DPP10: variants seen among roughly 807,000 people sequenced by gnomAD.
DPP10 encodes the protein dipeptidyl peptidase like 10.
A neutral mutation model predicts 120.9 loss-of-function variants in DPP10; 33 were observed. That is an observed-to-expected ratio of 0.27 (90% CI 0.21 to 0.37). The LOEUF is 0.37. Among genes scored for constraint, DPP10 ranks in the 10% least tolerant of loss-of-function variants. DPP10 has a pLI of 1.00. For synonymous variants in DPP10, 337 were observed against 326.1 expected (o/e 1.03, Z -0.36); for missense variants, 816 against 942.8 (o/e 0.87, Z 1.76).
chr2:114,561,248 A>G (rs1688740699), intron 1 of DPP10, among the ~76,000 whole-genome samples: 1 of 152,202 alleles, frequency 6.6e-6, no homozygotes, highest in Admixed American at 6.5e-5. Context: ...CTCTCTTGCT[A>G]TCCATATGAT....
intron 1 of DPP10, among the ~76,000 whole-genome samples, chr2:114,516,346 T>C (rs780717633): frequency 2.6e-5 from 4 of 152,166 alleles, no homozygotes; most frequent in Non-Finnish European, 5.9e-5. Flanking sequence ...CATTAAGGCT[T>C]TTTTCCATCC....
At chr2:115,635,403 A>G (rs1404422873) in intron 5 of DPP10, among the ~76,000 whole-genome samples, 1 of 152,138 alleles carries the variant, frequency 6.6e-6, no homozygotes, top group Non-Finnish European at 1.5e-5. Context: ...CAGGCAGAGT[A>G]GCACCATCAC....
intron 1 of DPP10, among the ~76,000 whole-genome samples, chr2:114,633,622 T>C (rs1264244499): frequency 6.6e-6 from 1 of 151,504 alleles, no homozygotes; most frequent in Non-Finnish European, 1.5e-5. Context: ...TTTTATTTAT[T>C]ATTATTTTTT....
At chr2:115,268,270 T>G (rs1161836159) in intron 1 of DPP10, among the ~76,000 whole-genome samples, 2 of 151,848 alleles carry the variant, frequency 1.3e-5, no homozygotes, top group African/African-American at 4.9e-5. Context: ...TAGCTGCAGT[T>G]TATAGGGGAA....
chr2:115,465,983 A>G (rs961260470), intron 3 of DPP10, among the ~76,000 whole-genome samples: 1 of 152,182 alleles, frequency 6.6e-6, no homozygotes, highest in Non-Finnish European at 1.5e-5. Context: ...ATAATTACCC[A>G]TTCCATAATG....
chr2:115,774,110 T>C (rs1681799020), intron 13 of DPP10, among the ~76,000 whole-genome samples: 1 of 152,028 alleles, frequency 6.6e-6, no homozygotes, highest in African/African-American at 2.4e-5. Context: ...GTAAATCATA[T>C]ATAATATTTT....
intron 1 of DPP10, among the ~76,000 whole-genome samples, chr2:114,727,547 A>G (rs1340917315): frequency 6.6e-6 from 1 of 152,188 alleles, no homozygotes; most frequent in African/African-American, 2.4e-5. Flanking sequence ...TGTTGCCCAA[A>G]CCACTGGCCT....
intron 3 of DPP10, among the ~76,000 whole-genome samples, chr2:115,349,130 G>A (rs1476919847): frequency 6.6e-6 from 1 of 152,104 alleles, no homozygotes; most frequent in Non-Finnish European, 1.5e-5. Flanking sequence ...TTGCAAAATG[G>A]CATGCTGGGA....
At chr2:115,190,099 C>A (rs2105219296) in intron 1 of DPP10, among the ~76,000 whole-genome samples, 1 of 152,288 alleles carries the variant, frequency 6.6e-6, no homozygotes, top group East Asian at 1.9e-4. Flanking sequence ...TGGCTGGTAG[C>A]CCCTAATTGC....
intron 1 of DPP10, among the ~76,000 whole-genome samples, chr2:114,631,877 T>C (rs990017567): frequency 1.3e-5 from 2 of 152,216 alleles, no homozygotes; most frequent in Non-Finnish European, 2.9e-5. Context: ...TATTCACTTA[T>C]GTATTTAATT....
intron 5 of DPP10, among the ~76,000 whole-genome samples, chr2:115,573,443 C>A (rs1487710392): frequency 6.6e-6 from 1 of 151,494 alleles, no homozygotes; most frequent in South Asian, 2.1e-4. Context: ...CCACCACGCC[C>A]GGCTAATTTT....
At chr2:114,933,818 C>G (rs1432468963) in intron 1 of DPP10, among the ~76,000 whole-genome samples, 1 of 152,104 alleles carries the variant, frequency 6.6e-6, no homozygotes, top group Non-Finnish European at 1.5e-5. Flanking sequence ...TCAGTAGATC[C>G]AGAGAGGGGC....
chr2:115,708,575 A>C (rs569176723), intron 7 of DPP10, among the ~76,000 whole-genome samples: 2 of 152,026 alleles, frequency 1.3e-5, no homozygotes, highest in Non-Finnish European at 2.9e-5. Context: ...AAGCTTGTCC[A>C]CTAACTTTTT....
intron 1 of DPP10, among the ~76,000 whole-genome samples, chr2:114,866,048 G>T (rs1254552885): frequency 2.0e-5 from 3 of 151,938 alleles, no homozygotes; most frequent in South Asian, 4.2e-4. Context: ...GGGGGCGGAG[G>T]TTGCAGTGAG....
At chr2:114,669,453 GA>G (rs1235813601) in intron 1 of DPP10, among the ~76,000 whole-genome samples, 1 of 152,090 alleles carries the variant, frequency 6.6e-6, no homozygotes, top group East Asian at 1.9e-4. Context: ...TGTGGATGGG[GA>G]AGACTCCCTT....
intron 1 of DPP10, among the ~76,000 whole-genome samples, chr2:114,844,240 G>A (rs147902453): frequency 6.6e-6 from 1 of 151,948 alleles, no homozygotes; most frequent in Non-Finnish European, 1.5e-5. Context: ...TATTCTTCAC[G>A]CTTGATGTGT....
At chr2:115,037,545 A>G (rs1704312138) in intron 1 of DPP10, among the ~76,000 whole-genome samples, 1 of 152,224 alleles carries the variant, frequency 6.6e-6, no homozygotes, top group Non-Finnish European at 1.5e-5. Context: ...TTTCTTATGC[A>G]GTGATTTTCA....
chr2:115,721,817 A>G (rs1046097549), intron 7 of DPP10, among the ~76,000 whole-genome samples: 4 of 152,230 alleles, frequency 2.6e-5, no homozygotes, highest in African/African-American at 9.6e-5. Context: ...TGTTCATTGC[A>G]GCCCTATTCA....
intron 1 of DPP10, among the ~76,000 whole-genome samples, chr2:115,038,405 G>T (rs1704383535): frequency 6.6e-6 from 1 of 151,882 alleles, no homozygotes; most frequent in Admixed American, 6.6e-5. Context: ...AGAGTAGCTG[G>T]GACTACAGGC....
Sources: gnomAD v4.1 joint callset for allele counts (sites outside exome capture counted in the v4.1 genomes callset) on GRCh38, gnomAD v4.1.1 for gene constraint, MANE v1.5 for transcripts, NCBI Gene and HGNC (gene_info 2026-07-23, HGNC 2026-07-21) for gene names.